Variants in ASB4 observed in about 807,000 individuals in gnomAD.
The protein encoded by ASB4 is ankyrin repeat and SOCS box containing 4, also known as ankyrin repeat and SOCS box protein 4.
ASB4 carries 35 observed loss-of-function variants against 38.6 expected under a neutral mutation model. The ratio of observed to expected loss-of-function variants is 0.91; its 90% CI spans 0.69 to 1.20. The LOEUF (loss-of-function observed/expected upper bound fraction) is 1.20. ASB4 is among the 50% of genes most tolerant of loss of function. The pLI is 0.00. For missense variants in ASB4, 557 were observed against 527.2 expected, an observed-to-expected ratio of 1.06 and a Z score of -0.55; for synonymous variants, 195 against 201.3, an observed-to-expected ratio of 0.97 and a Z score of 0.26.
downstream of ASB4, chr7:95,542,143 G>A (rs1238983733): frequency 2.6e-5 from 4 of 151,432 alleles, no homozygotes; most frequent in African/African-American, 4.9e-5. Flanking sequence ...TCTGATAAAT[G>A]TGGGAAGAAG....
Position 95,486,116 on chromosome 7 carries a change from G to T in ASB4, c.145G>T (p.Glu49Ter). The T allele has an allele frequency of 6.2e-7, 1 of 1,614,120 alleles. No homozygotes were observed. The highest frequency in any genetic ancestry group is 8.5e-7 in the Non-Finnish European group (1 of 1,179,988). The change falls in exon 1 of 5, where the codon GAA (glutamate) becomes TAA (stop). Residue 49 changes from glutamate to a stop codon, truncating the protein, a stop_gained. Coordinates refer to ENST00000325885, the MANE Select transcript of ASB4 (RefSeq NM_016116.3). LOFTEE classifies it high-confidence loss of function. ...QRQIDVDTVFEVEDENMVLAS... is the reference protein window; with the variant it reads ...QRQIDVDTVF ...GCAAATAGATGTGGACACTGTTTTT[G>T]AAGTCGAAGATGAGAATATGGTTTT... is the stretch of plus-strand genomic sequence containing the variant.
At chr7:95,550,842 G>C in the ASB4 span, among the ~76,000 whole-genome samples, 1 of 152,130 alleles carries the variant, frequency 6.6e-6, no homozygotes, top group Non-Finnish European at 1.5e-5. Flanking sequence ...GAAAAAACTT[G>C]ACTCTTCTCT....
the ASB4 span, among the ~76,000 whole-genome samples, chr7:95,549,966 G>C: frequency 6.6e-6 from 1 of 152,142 alleles, no homozygotes; most frequent in Non-Finnish European, 1.5e-5. Flanking sequence ...GTTCCCACAG[G>C]GTGAGTAATC....
chr7:95,546,659 G>A, the ASB4 span, among the ~76,000 whole-genome samples: 1 of 152,114 alleles, frequency 6.6e-6, no homozygotes, highest in African/African-American at 2.4e-5. Context: ...ACTTCCAATT[G>A]CTTAGAGTTG....
At chr7:95,497,564 T>C (rs548965616) in intron 2 of ASB4, among the ~76,000 whole-genome samples, 4 of 152,308 alleles carry the variant, frequency 2.6e-5, no homozygotes, top group African/African-American at 7.2e-5. Context: ...AAAGTCAGTT[T>C]ATGGAGGTAT....
chr7:95,503,914 G>A (rs1790373862), intron 2 of ASB4, among the ~76,000 whole-genome samples: 1 of 152,136 alleles, frequency 6.6e-6, no homozygotes, highest in African/African-American at 2.4e-5. Context: ...TGCAGAGCCT[G>A]CTTTGTCCCC....
chr7:95,498,312 A>T (rs985383907), intron 2 of ASB4, among the ~76,000 whole-genome samples: 2 of 152,204 alleles, frequency 1.3e-5, no homozygotes, highest in Admixed American at 1.3e-4. Context: ...TTACAAACAT[A>T]TTAGAATAGC....
At chr7:95,521,599 G>A (rs1765149936) in intron 2 of ASB4, among the ~76,000 whole-genome samples, 1 of 151,352 alleles carries the variant, frequency 6.6e-6, no homozygotes, top group African/African-American at 2.4e-5. Flanking sequence ...TTACTATTGG[G>A]AAAAAGCTAA....
intron 2 of ASB4, among the ~76,000 whole-genome samples, chr7:95,514,462 A>G (rs988087472): frequency 6.6e-6 from 1 of 152,240 alleles, no homozygotes; most frequent in Non-Finnish European, 1.5e-5. Context: ...CATCATAAAA[A>G]TGAATGAATT....
chr7:95,498,595 T>C (rs191888260), intron 2 of ASB4, among the ~76,000 whole-genome samples: 16 of 152,360 alleles, frequency 1.1e-4, no homozygotes, highest in African/African-American at 3.4e-4. Flanking sequence ...CGAATACTAG[T>C]CATTTATCAG....
chr7:95,484,609 T>C (rs1181060890), upstream of ASB4, among the ~76,000 whole-genome samples: 1 of 152,222 alleles, frequency 6.6e-6, no homozygotes, highest in Non-Finnish European at 1.5e-5. Flanking sequence ...CATGCTTAAG[T>C]AAATTCTAAG....
At chr7:95,507,918 A>G (rs1790432162) in intron 2 of ASB4, among the ~76,000 whole-genome samples, 2 of 152,198 alleles carry the variant, frequency 1.3e-5, no homozygotes. Flanking sequence ...TATACCAATG[A>G]GTTGAGCGAC....
upstream of ASB4, among the ~76,000 whole-genome samples, chr7:95,483,235 G>T (rs374986166): frequency 1.2e-4 from 18 of 152,292 alleles, no homozygotes; most frequent in African/African-American, 4.3e-4. Context: ...ATGAGGTCTC[G>T]TAAGCTGCAC....
At chr7:95,532,028 A>T (rs1182088476) in intron 3 of ASB4, among the ~76,000 whole-genome samples, 1 of 152,200 alleles carries the variant, frequency 6.6e-6, no homozygotes, top group Non-Finnish European at 1.5e-5. Flanking sequence ...TACTCAACAG[A>T]CTGTGTAGGA....
intron 2 of ASB4, among the ~76,000 whole-genome samples, chr7:95,508,752 T>A (rs190309581): frequency 1.3e-5 from 2 of 152,012 alleles, no homozygotes; most frequent in Admixed American, 1.3e-4. Context: ...AGCAAAAGAG[T>A]TATTAAAATG....
At chr7:95,480,318 C>T (rs1562806436) in intron 1 of ASB4, among the ~76,000 whole-genome samples, 3 of 152,186 alleles carry the variant, frequency 2.0e-5, no homozygotes, top group Admixed American at 1.3e-4. Context: ...AAGATTTTAA[C>T]ATGCTTTCTT....
At chr7:95,496,718 T>C (rs1423613889) in intron 2 of ASB4, among the ~76,000 whole-genome samples, 1 of 151,972 alleles carries the variant, frequency 6.6e-6, no homozygotes, top group Admixed American at 6.6e-5. Context: ...CATGGTGGCA[T>C]GCACCTGTGG....
intron 2 of ASB4, among the ~76,000 whole-genome samples, chr7:95,502,392 G>GT (rs1790353737): frequency 2.5e-4 from 1 of 3,994 alleles, no homozygotes; most frequent in Admixed American, 1.5e-3. Flanking sequence ...ACCAGCCTGC[G>GT]GGGGGGGGGC....
At position 95,528,286 on chromosome 7, in the gene ASB4, C is replaced by A. The variant is rs781781794; in HGVS notation, c.961C>A (p.Pro321Thr). 6.2e-7 allele frequency: 1 copy of A among 1,614,116 alleles called. No individual in the cohort carries two copies. Among genetic ancestry groups the A allele is most frequent in the Non-Finnish European group, 8.5e-7 (1 of 1,180,030 alleles). Reference sequence around the variant, plus strand: ...GAACCATGGGGCTGCCCGAATATACCCTCCACAGTTCCATAAGGTGAGGCT... The same window carrying A: ...GAACCATGGGGCTGCCCGAATATACACTCCACAGTTCCATAAGGTGAGGCT... ...LLNHGAARIY[P>T]PQFHKVIQAC... The change falls in exon 3 of 5, where the codon CCT becomes ACT. Residue 321 changes from proline (P) to threonine (T), a missense_variant. Coordinates refer to ENST00000325885, the MANE Select transcript of ASB4 (RefSeq NM_016116.3).
Sources: allele counts gnomAD v4.1 joint callset (sites outside exome capture counted in the v4.1 genomes callset), GRCh38; gene constraint gnomAD v4.1.1; transcripts MANE v1.5; gene names NCBI Gene and HGNC (gene_info 2026-07-23, HGNC 2026-07-21).